SNAP25: variants seen among roughly 807,000 people sequenced by gnomAD.
The protein encoded by SNAP25 is synaptosomal-associated protein 25.
Under a neutral mutation model 28.7 loss-of-function variants are expected in SNAP25, and 3 were observed. The ratio of observed to expected loss-of-function variants is 0.10; its 90% CI spans 0.05 to 0.27. SNAP25 has a LOEUF of 0.27. SNAP25 is among the 10% of genes least tolerant of loss of function. The probability of loss-of-function intolerance (pLI) is 1.00; values close to 1 mark genes in which losing one functional copy is unlikely to be tolerated. For synonymous variants in SNAP25, 61 were observed against 88.1 expected, an observed-to-expected ratio of 0.69 and a Z score of 1.72; for missense variants, 117 against 278.7, an observed-to-expected ratio of 0.42 and a Z score of 4.13.
At chr20:10,274,030 A>G (rs979088104) in intron 1 of SNAP25, among the ~76,000 whole-genome samples, 9 of 151,866 alleles carry the variant, frequency 5.9e-5, no homozygotes, top group Non-Finnish European at 1.5e-5. Context: ...GCATCTCCCC[A>G]ATTAGACTGA....
intron 1 of SNAP25, among the ~76,000 whole-genome samples, chr20:10,243,553 A>G (rs2033939229): frequency 5.3e-5 from 8 of 152,130 alleles, no homozygotes; most frequent in Admixed American, 5.2e-4. Flanking sequence ...AGGAGCATTG[A>G]CAGGGATCCT....
At chr20:10,246,947 T>G (rs1483510313) in intron 1 of SNAP25, among the ~76,000 whole-genome samples, 3 of 152,126 alleles carry the variant, frequency 2.0e-5, no homozygotes, top group African/African-American at 7.2e-5. Flanking sequence ...GTTTCTCCAT[T>G]CTTCATGTGT....
intron 6 of SNAP25, 45 bp from the exon 7 acceptor site, chr20:10,299,223 T>C: frequency 6.2e-7 from 1 of 1,601,924 alleles, no homozygotes; most frequent in Non-Finnish European, 8.5e-7. Flanking sequence ...GTATTCAATA[T>C]GTTTTCCACC....
At chr20:10,221,401 A>G (rs6039771) in intron 1 of SNAP25, among the ~76,000 whole-genome samples, 4,921 of 152,274 alleles carry the variant, frequency 0.032, 277 homozygotes, top group African/African-American at 0.11. Context: ...TTTAACATTT[A>G]TATCATTGAC....
chr20:10,306,027 T>C, intron 7 of SNAP25, 102 bp from the exon 8 acceptor site: 1 of 1,021,726 alleles, frequency 9.8e-7, no homozygotes. Context: ...CAAGGAGGTT[T>C]TAAGTGGTTT....
chr20:10,271,684 T>C (rs1471773035), intron 1 of SNAP25, among the ~76,000 whole-genome samples: 1 of 151,506 alleles, frequency 6.6e-6, no homozygotes, highest in Non-Finnish European at 1.5e-5. Context: ...TGAGAGGAGA[T>C]TGCCAAGGAA....
At chr20:10,303,759 G>A (rs1457275173) in intron 7 of SNAP25, among the ~76,000 whole-genome samples, 2 of 152,130 alleles carry the variant, frequency 1.3e-5, no homozygotes, top group East Asian at 3.9e-4. Context: ...CAGTGGTGAT[G>A]GGAATCATTC....
intron 7 of SNAP25, among the ~76,000 whole-genome samples, chr20:10,304,773 A>AT (rs946902560): frequency 3.3e-5 from 5 of 151,996 alleles, no homozygotes; most frequent in South Asian, 2.1e-4. Context: ...ACTAAACATG[A>AT]TTTTTTTTAA....
intron 1 of SNAP25, among the ~76,000 whole-genome samples, chr20:10,254,185 A>G (rs2063279379): frequency 6.6e-6 from 1 of 152,230 alleles, no homozygotes; most frequent in Non-Finnish European, 1.5e-5. Flanking sequence ...TCATACAGAA[A>G]GTTGCTTCAT....
chr20:10,233,881 C>T (rs2062870644), intron 1 of SNAP25, among the ~76,000 whole-genome samples: 1 of 152,084 alleles, frequency 6.6e-6, no homozygotes, highest in South Asian at 2.1e-4. Context: ...GAAATTAGTC[C>T]TCCACCTTAG....
At chr20:10,272,518 G>T (rs2063613676) in intron 1 of SNAP25, among the ~76,000 whole-genome samples, 1 of 152,146 alleles carries the variant, frequency 6.6e-6, no homozygotes, top group Non-Finnish European at 1.5e-5. Context: ...TCATTTTTGT[G>T]CATCTTAAGA....
At chr20:10,299,718 G>A (rs577680681) in intron 7 of SNAP25, among the ~76,000 whole-genome samples, 63 of 152,248 alleles carry the variant, frequency 4.1e-4, no homozygotes, top group Non-Finnish European at 8.1e-4. Flanking sequence ...AGAAATTCAC[G>A]GCCTATGGGA....
chr20:10,299,954 T>C (rs904896764), intron 7 of SNAP25, among the ~76,000 whole-genome samples: 1 of 152,186 alleles, frequency 6.6e-6, no homozygotes, highest in Non-Finnish European at 1.5e-5. Context: ...GGAGAAAGAA[T>C]AGTCAGTATA....
rs911096074 is a variant in SNAP25 at position 10,307,326 on chromosome 20, T to C, written c.*1129T>C. The stretch of plus-strand genomic sequence containing the variant: ...CTGTGAGATAAATATCATTATAGCA[T>C]GTAATATTAAATTCCTCCTGTCTCC... On this transcript the variant is annotated 3_prime_UTR_variant, in exon 8 of 8. Transcript: ENST00000254976. 2 of 152,652 alleles carry C rather than the reference T, an allele frequency of 1.3e-5. No individual in the cohort carries two copies. Among genetic ancestry groups the C allele is most frequent in the African/African-American group, 4.8e-5 (2 of 41,452 alleles). 9.5% of individuals were successfully genotyped at this position (152,652 alleles called of 1,614,324 possible). A position where few individuals can be genotyped will look rare whatever the true frequency, so the allele number is the denominator to read the frequency against.
At chr20:10,263,304 C>A (rs1449489404) in intron 1 of SNAP25, among the ~76,000 whole-genome samples, 1 of 151,066 alleles carries the variant, frequency 6.6e-6, no homozygotes, top group Non-Finnish European at 1.5e-5. Context: ...CAGGCGTGAG[C>A]CACCGCACCA....
intron 1 of SNAP25, among the ~76,000 whole-genome samples, chr20:10,245,502 A>C (rs1314926340): frequency 6.6e-6 from 1 of 152,196 alleles, no homozygotes; most frequent in Non-Finnish European, 1.5e-5. Flanking sequence ...ATTAGCCATC[A>C]AATTATATTT....
chr20:10,272,830 T>C (rs2063620366), intron 1 of SNAP25, among the ~76,000 whole-genome samples: 1 of 152,156 alleles, frequency 6.6e-6, no homozygotes, highest in Admixed American at 6.5e-5. Context: ...TTGTTATTTC[T>C]TTTTTTACTC....
intron 1 of SNAP25, among the ~76,000 whole-genome samples, chr20:10,246,713 T>C (rs1051389701): frequency 2.6e-5 from 4 of 152,152 alleles, no homozygotes; most frequent in Non-Finnish European, 5.9e-5. Flanking sequence ...AGATGTGCCC[T>C]TCAAGTGGAG....
At chr20:10,283,393 TCCA>T (rs1372388600) in intron 3 of SNAP25, among the ~76,000 whole-genome samples, 2 of 152,152 alleles carry the variant, frequency 1.3e-5, no homozygotes, top group Non-Finnish European at 2.9e-5. Context: ...AGAGTCTGTC[TCCA>T]CAGTCTGCGC....
Sources: gnomAD v4.1 joint callset for allele counts (sites outside exome capture counted in the v4.1 genomes callset) on GRCh38, gnomAD v4.1.1 for gene constraint, MANE v1.5 for transcripts, NCBI Gene and HGNC (gene_info 2026-07-23, HGNC 2026-07-21) for gene names.